ASPH: variants seen among roughly 807,000 people sequenced by gnomAD.
ASPH encodes aspartate beta-hydroxylase, also known as aspartyl/asparaginyl beta-hydroxylase.
A neutral mutation model predicts 118.4 loss-of-function variants in ASPH; 100 were observed. The ratio of observed to expected loss-of-function variants is 0.84; its 90% CI spans 0.72 to 1.00. ASPH has a LOEUF of 1.00. Among genes scored for constraint, ASPH ranks in the 50% least tolerant of loss-of-function variants. The probability of loss-of-function intolerance (pLI) is 0.00; values close to 1 mark genes in which losing one functional copy is unlikely to be tolerated. For missense variants in ASPH, 920 were observed against 919.5 expected (o/e 1.00, Z -0.01); for synonymous variants, 315 against 325.6 (o/e 0.97, Z 0.35).
intron 21 of ASPH, among the ~76,000 whole-genome samples, chr8:61,534,170 T>C (rs1308906750): frequency 6.6e-6 from 1 of 152,118 alleles, no homozygotes; most frequent in African/African-American, 2.4e-5. Flanking sequence ...TGGTCTTGAA[T>C]GCCCTACCTC....
chr8:61,637,897 A>G, intron 12 of ASPH, 50 bp downstream of exon 12: 2 of 1,527,880 alleles, frequency 1.3e-6, no homozygotes, highest in South Asian at 1.2e-5. Context: ...TGAATAAACA[A>G]ACACAATTCT....
intron 14 of ASPH, among the ~76,000 whole-genome samples, chr8:61,589,526 T>C (rs976705116): frequency 9.9e-5 from 15 of 152,144 alleles, no homozygotes; most frequent in African/African-American, 1.9e-4. Flanking sequence ...CTCAATGACA[T>C]TGGAATATTT....
intron 18 of ASPH, among the ~76,000 whole-genome samples, chr8:61,561,101 AGGGAGGGAGGGAGGGAGGG>A (rs1563821633): frequency 1.4e-4 from 4 of 29,148 alleles, no homozygotes; most frequent in Admixed American, 4.6e-4. Context: ...GGAGGGAGAG[AGGGAGGGAGGGAGGGAGGG>A]AGGGAGGGAG....
chr8:61,695,008 G>A (rs890562746), intron 1 of ASPH, among the ~76,000 whole-genome samples: 1 of 152,110 alleles, frequency 6.6e-6, no homozygotes, highest in African/African-American at 2.4e-5. Context: ...TGTTGCAAAC[G>A]GGTGATTACA....
At position 61,584,631 on chromosome 8, in the gene ASPH, CCTTCTTTCT is replaced by C. The variant is rs773176016; in HGVS notation, c.977-611_977-603del. Among the ~76,000 whole-genome samples the C allele has an allele frequency of 2.5e-4, 34 of 136,972 alleles. No homozygotes were observed. In the Middle Eastern group the frequency reaches 0.011, roughly 43 times the overall value. 89.9% of individuals were successfully genotyped at this position (136,972 alleles called of 152,430 possible). A position where few individuals can be genotyped will look rare whatever the true frequency, so the allele number is the denominator to read the frequency against. ...CTTTCTTTTTCTTCTTTCTTTCTTT[CCTTCTTTCT>C]TTCTTTCTTTCTTTTTCTTTCTTTC... On this transcript the variant is annotated intron_variant, in intron 14 of 24. Transcript: ENST00000379454.
intron 1 of ASPH, among the ~76,000 whole-genome samples, chr8:61,702,133 C>A (rs1010160033): frequency 6.6e-6 from 1 of 152,048 alleles, no homozygotes; most frequent in Non-Finnish European, 1.5e-5. Context: ...ACATAGCAAA[C>A]CTAACTCAAG....
chr8:61,567,812 T>A (rs942382002), intron 16 of ASPH, among the ~76,000 whole-genome samples: 1 of 152,188 alleles, frequency 6.6e-6, no homozygotes, highest in African/African-American at 2.4e-5. Context: ...CAAATAAAGG[T>A]ACTATGTGTC....
rs199856086 is a variant in ASPH, at chr8:61,594,712, TCTTA to T, written c.977-10687_977-10684del. Reference sequence around the variant, plus strand: ...TTATTATCAGTGATTGTTGTTAATCTCTTACTGTGACTAATTTATAGATTAAGTT... The same window carrying T: ...TTATTATCAGTGATTGTTGTTAATCTCTGTGACTAATTTATAGATTAAGTT... On this transcript the variant is annotated intron_variant, in intron 14 of 24. Transcript: ENST00000379454. 8.8e-3 allele frequency among the ~76,000 whole-genome samples: 1,346 copies of T among 152,348 alleles called. 26 individuals carry two copies. Among genetic ancestry groups the T allele is most frequent in the African/African-American group, 0.03 (1,258 of 41,576 alleles).
chr8:61,632,614 T>C, intron 13 of ASPH: 1 of 475,782 alleles, frequency 2.1e-6, no homozygotes. Context: ...TGGACTGCTT[T>C]TCTCATTCAT....
rs990580204 is a variant in ASPH at position 61,625,800 on chromosome 8, G to A, written c.935-6781C>T. ...TGATGATCTCTGTTAGCGTTTTTAA[G>A]AGTGCTAACACAAAGTACTCTTAAT... On this transcript the variant is annotated intron_variant, in intron 13 of 24. Transcript: ENST00000379454. 3 of 986,378 alleles carry A rather than the reference G, an allele frequency of 3.0e-6. No homozygotes were observed. In the African/African-American group the frequency reaches 5.2e-5, roughly 17 times the overall value. The allele number at this position is 986,378 out of a possible 1,614,324, so 61.1% of individuals were successfully genotyped here. A position where few individuals can be genotyped will look rare whatever the true frequency, so the allele number is the denominator to read the frequency against.
At chr8:61,540,680 G>C (rs530824324) in intron 21 of ASPH, among the ~76,000 whole-genome samples, 2 of 152,280 alleles carry the variant, frequency 1.3e-5, no homozygotes, top group East Asian at 3.9e-4. Context: ...AGGGCATACA[G>C]AAATTCAACC....
chr8:61,543,265 T>C (rs1822607304), intron 21 of ASPH, among the ~76,000 whole-genome samples: 1 of 152,190 alleles, frequency 6.6e-6, no homozygotes, highest in Non-Finnish European at 1.5e-5. Context: ...CATATGCTGG[T>C]ACACTTGATC....
intron 16 of ASPH, among the ~76,000 whole-genome samples, chr8:61,573,532 C>T (rs1399052908): frequency 6.6e-6 from 1 of 152,120 alleles, no homozygotes; most frequent in Non-Finnish European, 1.5e-5. Context: ...ACCAATGGAA[C>T]AGAACAGAGG....
At chr8:61,569,574 G>A (rs1051656549) in intron 16 of ASPH, among the ~76,000 whole-genome samples, 3 of 149,170 alleles carry the variant, frequency 2.0e-5, no homozygotes, top group African/African-American at 7.5e-5. Flanking sequence ...AGACAACTAT[G>A]GGATTTTTTT....
At chr8:61,634,677 G>C (rs931147391) in intron 12 of ASPH, among the ~76,000 whole-genome samples, 20 of 152,056 alleles carry the variant, frequency 1.3e-4, no homozygotes, top group African/African-American at 4.6e-4. Context: ...TGTTGTGACT[G>C]GCTTTTAATA....
chr8:61,563,138 G>A (rs1233610233), intron 17 of ASPH, among the ~76,000 whole-genome samples: 2 of 151,334 alleles, frequency 1.3e-5, no homozygotes, highest in African/African-American at 2.4e-5. Context: ...ATTCAGCAAT[G>A]TTTACCATTT....
intron 14 of ASPH, among the ~76,000 whole-genome samples, chr8:61,617,400 G>C (rs1477430073): frequency 6.6e-6 from 1 of 152,184 alleles, no homozygotes; most frequent in Non-Finnish European, 1.5e-5. Context: ...AAAAGCTGCT[G>C]ATTTGCCCCT....
intron 12 of ASPH, 123 bp downstream of exon 12, chr8:61,637,824 C>T (rs546410493): frequency 3.5e-5 from 31 of 887,678 alleles, no homozygotes; most frequent in African/African-American, 2.8e-4. Context: ...GTTTTCTTCC[C>T]TCTTGTACTC....
chr8:61,590,755 C>T (rs1840872230), intron 14 of ASPH, among the ~76,000 whole-genome samples: 1 of 152,076 alleles, frequency 6.6e-6, no homozygotes, highest in Admixed American at 6.5e-5. Context: ...TATAGACTCT[C>T]GAATATGGCA....
Sources: allele counts gnomAD v4.1 joint callset (sites outside exome capture counted in the v4.1 genomes callset), GRCh38; gene constraint gnomAD v4.1.1; transcripts MANE v1.5; gene names NCBI Gene and HGNC (gene_info 2026-07-23, HGNC 2026-07-21).